The following MDN1 variants were observed in gnomAD, a reference collection of about 807,000 sequenced individuals.
The protein encoded by MDN1 is midasin AAA ATPase 1, also known as midasin.
MDN1 carries 266 observed loss-of-function variants against 669.2 expected under a neutral mutation model. That is an observed-to-expected ratio of 0.40 (90% CI 0.36 to 0.44). MDN1 has a LOEUF of 0.44. Among genes scored for constraint, MDN1 ranks in the 20% least tolerant of loss-of-function variants. The probability of loss-of-function intolerance (pLI) is 1.00; values close to 1 mark genes in which losing one functional copy is unlikely to be tolerated. For synonymous variants in MDN1, 2,385 were observed against 2,457.1 expected, an observed-to-expected ratio of 0.97 and a Z score of 0.87; for missense variants, 5,940 against 6,754.0, an observed-to-expected ratio of 0.88 and a Z score of 4.22.
At chr6:89,670,055 T>G (rs1810541125) in intron 83 of MDN1, among the ~76,000 whole-genome samples, 1 of 143,732 alleles carries the variant, frequency 7.0e-6, no homozygotes. Context: ...ATACAAAAAT[T>G]AGCCAGGCGT....
intron 67 of MDN1, 42 bp from the exon 68 acceptor site, chr6:89,687,480 T>C (rs1435674619): frequency 6.5e-7 from 1 of 1,548,584 alleles, no homozygotes; most frequent in Non-Finnish European, 8.9e-7. Context: ...TATTATTCAA[T>C]GCCATAATCA....
At chr6:89,671,102 A>C (rs1448469163) in intron 82 of MDN1, 22 bp from the exon 83 acceptor site, 3 of 1,608,850 alleles carry the variant, frequency 1.9e-6, no homozygotes, top group Non-Finnish European at 2.5e-6. Flanking sequence ...ACAAAACAAA[A>C]GGCCTGCTCA....
intron 66 of MDN1, 58 bp from the exon 67 acceptor site, chr6:89,688,231 GGTACTGAAGAGA>G: frequency 2.7e-6 from 4 of 1,486,150 alleles, no homozygotes; most frequent in Non-Finnish European, 3.8e-6. Flanking sequence ...TAAGTCACAG[GGTACTGAAGAGA>G]GTCCTGACCA....
At chr6:89,712,435 A>G in intron 48 of MDN1, 140 bp downstream of exon 48, 1 of 1,000,942 alleles carries the variant, frequency 1.0e-6, no homozygotes, top group Non-Finnish European at 1.5e-6. Flanking sequence ...GAGCAATATC[A>G]CAATGAACAA....
intron 20 of MDN1, among the ~76,000 whole-genome samples, chr6:89,755,404 A>C (rs1817197567): frequency 6.7e-6 from 1 of 149,434 alleles, no homozygotes; most frequent in Non-Finnish European, 1.5e-5. Flanking sequence ...AAAAAATAGA[A>C]CTCCAAGTCT....
chr6:89,775,408 C>G (rs1818304424), intron 12 of MDN1, among the ~76,000 whole-genome samples: 1 of 152,168 alleles, frequency 6.6e-6, no homozygotes, highest in Non-Finnish European at 1.5e-5. Flanking sequence ...ACCATCCCAA[C>G]TATTTCAGAA....
chr6:89,725,066 T>C, intron 38 of MDN1, 133 bp downstream of exon 38: 2 of 798,886 alleles, frequency 2.5e-6, no homozygotes, highest in Middle Eastern at 2.4e-4. Context: ...ATATTGATCA[T>C]ATAAGGACAA....
intron 40 of MDN1, among the ~76,000 whole-genome samples, chr6:89,722,410 A>G (rs1214505064): frequency 6.6e-6 from 1 of 152,246 alleles, no homozygotes; most frequent in Non-Finnish European, 1.5e-5. Flanking sequence ...ACTGGAGGGC[A>G]ATACTGCTTT....
At chr6:89,818,585 G>A (rs998924011) in intron 1 of MDN1, among the ~76,000 whole-genome samples, 4 of 151,990 alleles carry the variant, frequency 2.6e-5, no homozygotes, top group Non-Finnish European at 4.4e-5. Context: ...GCTGAGGCGG[G>A]TGGATCACGA....
intron 75 of MDN1, among the ~76,000 whole-genome samples, chr6:89,678,336 A>C (rs1438838575): frequency 6.6e-6 from 1 of 152,190 alleles, no homozygotes; most frequent in African/African-American, 2.4e-5. Flanking sequence ...GTCTCAAAAA[A>C]ATAAAATTAA....
At position 89,671,042 on chromosome 6, in the gene MDN1, C is replaced by G. The variant is rs1258252981; in HGVS notation, c.13833G>C (p.Val4611=). ...SQSCSLLVRL[V]PVLSSYSDLV... is the part of the protein sequence containing the mutation. Reference sequence around the variant, plus strand: ...GGTCTGAGTAGCTGGAGAGGACCGGCACCAGGCGCACCAGCAAGGAACAGG... The same window carrying G: ...GGTCTGAGTAGCTGGAGAGGACCGGGACCAGGCGCACCAGCAAGGAACAGG... The change falls in exon 83 of 102, where the codon GTG becomes GTC. Residue 4611 remains valine, a synonymous_variant. Transcript: ENST00000369393. The G allele has an allele frequency of 7.4e-6, 12 of 1,614,044 alleles. No individual in the cohort carries two copies. Among genetic ancestry groups the G allele is most frequent in the Non-Finnish European group, 1.0e-5 (12 of 1,179,996 alleles).
In MDN1 at chr6:89,664,383, T is replaced by C; in HGVS notation, c.14236+104A>G. On this transcript the variant is annotated intron_variant, in intron 85 of 101. Transcript: ENST00000369393. ...TTGCACTTAAGCACAGTAACCAACT[T>C]GTTTCAAAAGATTATATTGGGTTCC... is the stretch of plus-strand genomic sequence containing the variant. The C allele has an allele frequency of 2.8e-6, 4 of 1,440,628 alleles. No individual in the cohort carries two copies. The South Asian group carries it at 4.9e-5, about 18-fold the overall frequency. 89.2% of individuals were successfully genotyped at this position (1,440,628 alleles called of 1,614,324 possible). A position where few individuals can be genotyped will look rare whatever the true frequency, so the allele number is the denominator to read the frequency against.
Position 89,694,088 on chromosome 6 carries a change from A to C in MDN1, c.9867T>G (p.Ser3289=). The change falls in exon 62 of 102, where the codon TCT becomes TCG. Residue 3289 remains serine, a synonymous_variant. Coordinates refer to ENST00000369393, the MANE Select transcript of MDN1 (RefSeq NM_014611.3). ...DLEDEVVVSY[S]HPHVRLLRQR... ...TGCTGTGTTACCTGACGTGAGGATG[A>C]GAGTAGCTGACAACGACTTCATCTT... The C allele has an allele frequency of 6.2e-7, 1 of 1,614,052 alleles. No individual in the cohort carries two copies.
intron 20 of MDN1, among the ~76,000 whole-genome samples, chr6:89,755,441 T>C (rs1817198677): frequency 6.6e-6 from 1 of 151,822 alleles, no homozygotes; most frequent in Non-Finnish European, 1.5e-5. Flanking sequence ...TACTCAGCTT[T>C]ATATGTTTTC....
chr6:89,670,166 A>ATTTTTTTTTTTTTTTTTTTTT (rs1482501704), intron 83 of MDN1, among the ~76,000 whole-genome samples: 1 of 17,716 alleles, frequency 5.6e-5, no homozygotes, highest in East Asian at 8.1e-3. Context: ...ATATATATAT[A>ATTTTTTTTTTTTTTTTTTTTT]TATATTTTTT....
chr6:89,685,855 G>A lies in MDN1; in HGVS notation c.11691C>T (p.Val3897=). The A allele has an allele frequency of 6.2e-7, 1 of 1,613,904 alleles. No homozygotes were observed. The highest frequency in any genetic ancestry group is 1.1e-5 in the South Asian group (1 of 91,066). Residue 3897 remains valine, a synonymous_variant, in exon 70 of 102, where the codon GTC becomes GTT. Coordinates refer to ENST00000369393, the MANE Select transcript of MDN1 (RefSeq NM_014611.3). ...TTCCTTCAACCTGTGGCATCAGCAA[G>A]ACATGACAATGGAAAACCAGTAACA... ...LQMLLVFHCH[V]LLMPQVEGKD... is the part of the protein sequence containing the mutation.
Position 89,690,774 on chromosome 6 carries a change from T to C in MDN1, c.10648A>G (p.Ser3550Gly). Residue 3550 changes from serine (S) to glycine (G), a missense_variant, in exon 64 of 102, where the codon AGC becomes GGC. By Grantham distance (56) the Ser-to-Gly change is moderately conservative (BLOSUM62 0). This residue lies in a region of MDN1 where 2,280 missense variants were observed against 2,576.3 expected (regional missense o/e 0.88). Coordinates refer to ENST00000369393, the MANE Select transcript of MDN1 (RefSeq NM_014611.3). The stretch of plus-strand genomic sequence containing the variant: ...CTGCTCCTGTATCTATACAGGCCGC[T>C]TTCCTGCTCAGCCTTCTCTTGGGCT... ...RIAQEKAEQE[S>G]GLYRYRSRNS... 4 of 1,614,170 alleles carry C rather than the reference T, an allele frequency of 2.5e-6. No individual in the cohort carries two copies. Among genetic ancestry groups the C allele is most frequent in the Non-Finnish European group, 3.4e-6 (4 of 1,180,024 alleles).
intron 2 of MDN1, among the ~76,000 whole-genome samples, chr6:89,797,150 T>G (rs969518433): frequency 6.6e-6 from 1 of 151,870 alleles, no homozygotes; most frequent in Non-Finnish European, 1.5e-5. Context: ...GGGAGGTGGA[T>G]CACAAGGTCA....
chr6:89,726,445 C>A (rs1285300242), intron 37 of MDN1, among the ~76,000 whole-genome samples: 2 of 133,888 alleles, frequency 1.5e-5, no homozygotes, highest in Non-Finnish European at 3.1e-5. Flanking sequence ...GCCTGGGCGG[C>A]AGACTGAGAC....
Sources: allele counts gnomAD v4.1 joint callset (sites outside exome capture counted in the v4.1 genomes callset), GRCh38; gene constraint gnomAD v4.1.1; regional missense constraint gnomAD v4.1.1; transcripts MANE v1.5; gene names NCBI Gene and HGNC (gene_info 2026-07-23, HGNC 2026-07-21).